The following PITPNM2 variants were observed in gnomAD, a reference collection of about 807,000 sequenced individuals.
The protein encoded by PITPNM2 is phosphatidylinositol transfer protein membrane associated 2.
A neutral mutation model predicts 132.2 loss-of-function variants in PITPNM2; 35 were observed. The observed-to-expected ratio is 0.26, with a 90% CI of 0.20 to 0.35. PITPNM2 has a LOEUF of 0.35. Among genes scored for constraint, PITPNM2 ranks in the 10% least tolerant of loss-of-function variants. PITPNM2 has a pLI of 1.00. For missense variants in PITPNM2, 1,332 were observed against 1,912.0 expected, an observed-to-expected ratio of 0.70 and a Z score of 5.66; for synonymous variants, 738 against 799.2, an observed-to-expected ratio of 0.92 and a Z score of 1.29.
chr12:123,012,695 A>C lies in PITPNM2; in HGVS notation c.333T>G (p.Ile111Met), dbSNP rs765444562. ...CAGCATCAGTTTTATAAAAGGTTTC[A>C]ATGTCGATGGAGAATTTCTCCACGA... ...CPFVEKFSID[I>M]ETFYKTDAGE... Residue 111 changes from isoleucine (I) to methionine (M), a missense_variant, in exon 5 of 26, where the codon ATT becomes ATG. By Grantham distance (10) the Ile-to-Met change is conservative (BLOSUM62 1). Around this residue, in one of 6 missense-constraint regions of PITPNM2, gnomAD observed 122 missense variants for 209.6 expected, o/e 0.58. Coordinates refer to ENST00000320201, the MANE Select transcript of PITPNM2 (RefSeq NM_020845.3). The C allele has an allele frequency of 9.3e-6, 15 of 1,614,128 alleles. No homozygotes were observed. The Admixed American group carries it at 2.3e-4, about 25-fold the overall frequency.
chr12:123,101,060 A>G (rs2042552266), intron 2 of PITPNM2, among the ~76,000 whole-genome samples: 1 of 152,228 alleles, frequency 6.6e-6, no homozygotes, highest in Non-Finnish European at 1.5e-5. Context: ...AGCCACTCCT[A>G]TTTGTTTTAG....
intron 2 of PITPNM2, among the ~76,000 whole-genome samples, chr12:123,109,352 C>T (rs73230058): frequency 0.081 from 12,331 of 152,212 alleles, 771 homozygotes; most frequent in Non-Finnish European, 0.12. Flanking sequence ...CAAAGAAATA[C>T]GAAATGGAAA....
chr12:123,071,111 G>A (rs186653285), intron 2 of PITPNM2, among the ~76,000 whole-genome samples: 3 of 152,212 alleles, frequency 2.0e-5, no homozygotes, highest in African/African-American at 7.2e-5. Context: ...TGGGATCCTC[G>A]AGTGTCCACT....
chr12:123,124,428 T>A (rs2043096410), intron 1 of PITPNM2, among the ~76,000 whole-genome samples: 1 of 150,648 alleles, frequency 6.6e-6, no homozygotes, highest in African/African-American at 2.4e-5. Flanking sequence ...CGAGACTCCA[T>A]CTCAAAAAAA....
At chr12:123,057,078 CA>C (rs954083605) in intron 2 of PITPNM2, among the ~76,000 whole-genome samples, 2 of 152,094 alleles carry the variant, frequency 1.3e-5, no homozygotes, top group Admixed American at 1.3e-4. Context: ...AGGGCAACTT[CA>C]GGTTAAAAAT....
At chr12:123,096,814 G>C (rs943068077) in intron 2 of PITPNM2, among the ~76,000 whole-genome samples, 2 of 152,186 alleles carry the variant, frequency 1.3e-5, no homozygotes, top group South Asian at 2.1e-4. Flanking sequence ...GCTTGTGGAA[G>C]TCAGGAGCCA....
intron 2 of PITPNM2, among the ~76,000 whole-genome samples, chr12:123,104,809 T>C (rs2042662307): frequency 6.6e-6 from 1 of 152,118 alleles, no homozygotes; most frequent in Admixed American, 6.5e-5. Flanking sequence ...AAACTCCCTA[T>C]TGCAATTGTT....
At chr12:123,043,253 C>T (rs1200178142) in intron 2 of PITPNM2, among the ~76,000 whole-genome samples, 1 of 152,076 alleles carries the variant, frequency 6.6e-6, no homozygotes, top group Non-Finnish European at 1.5e-5. Context: ...CTTCTCCCTC[C>T]ACCCAGCCAC....
At position 123,078,443 on chromosome 12, in the gene PITPNM2, G is replaced by A. The variant is rs2041858384; in HGVS notation, c.-96+31942C>T. Among the ~76,000 whole-genome samples, 1 of 152,170 alleles carries A rather than the reference G, an allele frequency of 6.6e-6. No individual in the cohort carries two copies. Among genetic ancestry groups the A allele is most frequent in the African/African-American group, 2.4e-5 (1 of 41,450 alleles). On this transcript the variant is annotated intron_variant, in intron 2 of 25. Transcript: ENST00000320201. The surrounding 1 kb of genome is among the most constrained non-coding windows in gnomAD (Gnocchi z 7.3). ...GTGCTCCGCTGCCCCAAGAGCCTGGGCCCTCCGTCTCACGCCACGATGCCC... is the reference window on the plus strand; with the variant it reads ...GTGCTCCGCTGCCCCAAGAGCCTGGACCCTCCGTCTCACGCCACGATGCCC...
In PITPNM2 at chr12:122,985,029, A is replaced by G. The variant is rs1309396949; in HGVS notation, c.*998T>C. 6.6e-6 allele frequency: 1 copy of G among 152,452 alleles called. No individual in the cohort carries two copies. Among genetic ancestry groups the G allele is most frequent in the Non-Finnish European group, 1.5e-5 (1 of 68,046 alleles). 9.4% of individuals were successfully genotyped at this position (152,452 alleles called of 1,614,324 possible). Reference sequence around the variant, plus strand: ...CCCACCCACCCCAGAGTAGAAATTCAGTGGGATTGCCGGGGCCAGGTGAGG... The same window carrying G: ...CCCACCCACCCCAGAGTAGAAATTCGGTGGGATTGCCGGGGCCAGGTGAGG... On this transcript the variant is annotated 3_prime_UTR_variant, in exon 26 of 26. Transcript: ENST00000320201.
intron 2 of PITPNM2, among the ~76,000 whole-genome samples, chr12:123,049,560 A>T (rs146175764): frequency 3.3e-4 from 49 of 150,598 alleles, no homozygotes; most frequent in African/African-American, 1.1e-3. Flanking sequence ...CTGCTCCCTC[A>T]CTCCCTGGCA....
chr12:123,148,205 G>T (rs756851302), intron 1 of PITPNM2, among the ~76,000 whole-genome samples: 79 of 152,216 alleles, frequency 5.2e-4, no homozygotes, highest in Non-Finnish European at 9.8e-4. Flanking sequence ...AGCCGCATCT[G>T]TGTTTGGAGG....
rs778280790 is a variant in PITPNM2, at chr12:123,001,209, C to T, written c.1049-51G>A. On this transcript the variant is annotated intron_variant, in intron 8 of 25. Coordinates refer to ENST00000320201, the MANE Select transcript of PITPNM2 (RefSeq NM_020845.3). The stretch of plus-strand genomic sequence containing the variant: ...GTGGGACTGGGAACGCTGGGGAAGC[C>T]TGGCTTCCCGAGGTGGGGACGCCCC... The T allele has an allele frequency of 7.4e-6, 11 of 1,496,374 alleles. No individual in the cohort carries two copies. In the Admixed American group the frequency reaches 8.4e-5, roughly 11 times the overall value. 92.7% of individuals were successfully genotyped at this position (1,496,374 alleles called of 1,614,324 possible).
intron 2 of PITPNM2, among the ~76,000 whole-genome samples, chr12:123,055,519 C>A (rs1213508212): frequency 6.6e-6 from 1 of 152,196 alleles, no homozygotes; most frequent in Non-Finnish European, 1.5e-5. Context: ...AGATACAATA[C>A]TTGGAACTAA....
At chr12:123,035,061 T>C (rs1177519850) in intron 2 of PITPNM2, among the ~76,000 whole-genome samples, 3 of 152,206 alleles carry the variant, frequency 2.0e-5, no homozygotes, top group African/African-American at 7.2e-5. Flanking sequence ...TGATAGCTGG[T>C]CATGGAAAAG....
At chr12:123,116,956 A>T (rs2042946452) in intron 1 of PITPNM2, among the ~76,000 whole-genome samples, 1 of 152,190 alleles carries the variant, frequency 6.6e-6, no homozygotes, top group Non-Finnish European at 1.5e-5. Flanking sequence ...AGCTAACCTT[A>T]CCACTGGGCC....
chr12:123,000,940 G>A lies in PITPNM2; in HGVS notation c.1154-92C>T, dbSNP rs894471882. The A allele has an allele frequency of 9.0e-5, 141 of 1,558,142 alleles. No individual in the cohort carries two copies. In the African/African-American group the frequency reaches 1.7e-3, roughly 19 times the overall value. ...TGCAACTGTGACGAGGGGAGCTTGGGGGTCCCCAACTCACATGTATGCCCA... is the reference window on the plus strand; with the variant it reads ...TGCAACTGTGACGAGGGGAGCTTGGAGGTCCCCAACTCACATGTATGCCCA... On this transcript the variant is annotated intron_variant, in intron 9 of 25. Coordinates refer to ENST00000320201, the MANE Select transcript of PITPNM2 (RefSeq NM_020845.3). This position sits in a 1 kb window ranked among gnomAD's most constrained non-coding sequence, Gnocchi z 5.4.
At chr12:123,029,248 A>G (rs902984723) in intron 3 of PITPNM2, among the ~76,000 whole-genome samples, 3 of 152,290 alleles carry the variant, frequency 2.0e-5, no homozygotes, top group African/African-American at 4.8e-5. Flanking sequence ...ATTTCCCCAT[A>G]TGTAAAATGG....
Position 122,993,630 on chromosome 12 carries a change from G to C in PITPNM2, c.2234-961C>G, listed in dbSNP as rs1382947529. On this transcript the variant is annotated intron_variant, in intron 15 of 25. Transcript: ENST00000320201. The surrounding 1 kb of genome is among the most constrained non-coding windows in gnomAD (Gnocchi z 5.2). ...TAGACGGACATTTAAGTTGGTTCTG[G>C]TTTTTCACAATGACACATAATGGGA... 2.0e-5 allele frequency among the ~76,000 whole-genome samples: 3 copies of C among 152,182 alleles called. No homozygotes were observed. Among genetic ancestry groups the C allele is most frequent in the Admixed American group, 1.3e-4 (2 of 15,278 alleles).
Sources: allele counts gnomAD v4.1 joint callset (sites outside exome capture counted in the v4.1 genomes callset), GRCh38; gene constraint gnomAD v4.1.1; regional missense constraint gnomAD v4.1.1; non-coding constraint Gnocchi (gnomAD v3.1); transcripts MANE v1.5; gene names NCBI Gene and HGNC (gene_info 2026-07-23, HGNC 2026-07-21).